OTOG: variants seen among roughly 807,000 people sequenced by gnomAD.
The protein encoded by OTOG is otogelin.
OTOG carries 296 observed loss-of-function variants against 313.8 expected under a neutral mutation model. The ratio of observed to expected loss-of-function variants is 0.94; its 90% CI spans 0.86 to 1.04. The LOEUF is 1.04. Ranked by LOEUF, OTOG falls within the 50% of genes least tolerant of loss-of-function variation. The probability of loss-of-function intolerance (pLI) is 0.00; values close to 1 mark genes in which losing one functional copy is unlikely to be tolerated. For missense variants in OTOG, 3,948 were observed against 3,840.1 expected (o/e 1.03, Z -0.74); for synonymous variants, 1,533 against 1,554.9 (o/e 0.99, Z 0.33).
intron 39 of OTOG, among the ~76,000 whole-genome samples, chr11:17,613,951 G>C (rs561953446): frequency 6.6e-6 from 1 of 152,172 alleles, no homozygotes; most frequent in Non-Finnish European, 1.5e-5. Flanking sequence ...CAGAGAAAAA[G>C]TCGGAAAGGC....
At chr11:17,601,923 G>C (rs1340134759) in intron 31 of OTOG, among the ~76,000 whole-genome samples, 3 of 152,184 alleles carry the variant, frequency 2.0e-5, no homozygotes, top group Non-Finnish European at 4.4e-5. Context: ...GAGAGACAAT[G>C]GGGGGCCCAG....
At chr11:17,561,042 C>A (rs552156168) in intron 13 of OTOG, 49 bp from the exon 14 acceptor site, 2 of 1,545,008 alleles carry the variant, frequency 1.3e-6, no homozygotes, top group Non-Finnish European at 1.8e-6. Flanking sequence ...CAGCATCTAG[C>A]TCAGGCCTGG....
chr11:17,642,696 A>G (rs1337700126), intron 53 of OTOG, among the ~76,000 whole-genome samples: 1 of 152,240 alleles, frequency 6.6e-6, no homozygotes, highest in African/African-American at 2.4e-5. Flanking sequence ...TAGCATGGAC[A>G]ACTGTCAGTA....
intron 39 of OTOG, among the ~76,000 whole-genome samples, chr11:17,620,790 C>T (rs1565122245): frequency 6.6e-6 from 1 of 152,152 alleles, no homozygotes; most frequent in Non-Finnish European, 1.5e-5. Context: ...GCTCTCTGCT[C>T]ATCATTCTCT....
In OTOG at chr11:17,594,141, T is replaced by G. The variant is rs1853030610; in HGVS notation, c.3383T>G (p.Phe1128Cys). The G allele has an allele frequency of 6.4e-7, 1 of 1,550,558 alleles. No homozygotes were observed. The highest frequency in any genetic ancestry group is 8.7e-7 in the Non-Finnish European group (1 of 1,146,980). ...ENLELTNPQE[F>C]GSSWAAVECP... ...CTAGAGCTAACTAACCCCCAGGAGT[T>G]TGGCAGCAGTTGGGCTGCAGTTGAG... The change falls in exon 28 of 56, where the codon TTT becomes TGT. Residue 1128 changes from phenylalanine (F) to cysteine (C), a missense_variant. Physicochemically the swap from Phe to Cys is radical, Grantham distance 205. Transcript: ENST00000399397.
chr11:17,602,889 C>T (rs928424017), intron 32 of OTOG, among the ~76,000 whole-genome samples: 9 of 152,220 alleles, frequency 5.9e-5, no homozygotes, highest in African/African-American at 9.6e-5. Flanking sequence ...AGGAGACAGA[C>T]GTGCCCAAAG....
chr11:17,568,067 C>T (rs1449139823), intron 15 of OTOG, among the ~76,000 whole-genome samples: 3 of 151,778 alleles, frequency 2.0e-5, no homozygotes, highest in Non-Finnish European at 2.9e-5. Context: ...GCCACCATGC[C>T]TGGCTAATTT....
chr11:17,631,963 G>C, intron 41 of OTOG, 41 bp downstream of exon 41: 4 of 1,545,074 alleles, frequency 2.6e-6, no homozygotes, highest in Non-Finnish European at 3.5e-6. Context: ...CACCTCCTGG[G>C]CTGGCTGGGG....
chr11:17,570,079 CGCAG>C (rs991832428), intron 16 of OTOG, 130 bp from the exon 17 acceptor site: 1,122 of 752,208 alleles, frequency 1.5e-3, no homozygotes, highest in Admixed American at 2.0e-3. Context: ...ATGGCAGGCA[CGCAG>C]GCAGGCAGGC....
At chr11:17,561,598 G>A in intron 14 of OTOG, 64 bp from the exon 15 acceptor site, 2 of 1,519,654 alleles carry the variant, frequency 1.3e-6, no homozygotes, top group Non-Finnish European at 1.8e-6. Flanking sequence ...CATACTTGGA[G>A]CTTGCAGGGC....
intron 40 of OTOG, among the ~76,000 whole-genome samples, chr11:17,629,685 A>G (rs1005572300): frequency 6.6e-6 from 1 of 152,184 alleles, no homozygotes; most frequent in African/African-American, 2.4e-5. Flanking sequence ...AGAGATGGCC[A>G]TTAGTATCCC....
In OTOG at chr11:17,558,701, G is replaced by A. The variant is rs1852109291; in HGVS notation, c.1103+57G>A. 2.7e-6 allele frequency: 4 copies of A among 1,479,962 alleles called. No homozygotes were observed. The Admixed American group carries it at 7.9e-5, about 29-fold the overall frequency. The allele number at this position is 1,479,962 out of a possible 1,614,324, so 91.7% of individuals were successfully genotyped here. On this transcript the variant is annotated intron_variant, in intron 10 of 55. Transcript: ENST00000399397. ...CCTCTAGTATTGGGGTGAGTGCTCA[G>A]CACACGGGCCATCAAACTGGGTGAT...
chr11:17,617,369 T>C (rs1853746252), intron 39 of OTOG, among the ~76,000 whole-genome samples: 1 of 152,190 alleles, frequency 6.6e-6, no homozygotes, highest in Admixed American at 6.5e-5. Context: ...TGGAAAATTA[T>C]ATGTAGACTT....
intron 23 of OTOG, among the ~76,000 whole-genome samples, chr11:17,582,111 A>G (rs567608650): frequency 6.6e-6 from 1 of 152,298 alleles, no homozygotes; most frequent in African/African-American, 2.4e-5. Context: ...GTATGGTTTG[A>G]TGAATTTTGA....
At chr11:17,617,572 G>A (rs868525660) in intron 39 of OTOG, among the ~76,000 whole-genome samples, 78 of 152,138 alleles carry the variant, frequency 5.1e-4, no homozygotes, top group African/African-American at 1.9e-3. Flanking sequence ...TTTCATCCAA[G>A]TTGTTAAATT....
chr11:17,554,998 G>A (rs927191517), intron 6 of OTOG, among the ~76,000 whole-genome samples: 3 of 152,196 alleles, frequency 2.0e-5, no homozygotes, highest in Admixed American at 6.5e-5. Flanking sequence ...GTTAGACCAT[G>A]GGGTAGCTTT....
At chr11:17,644,099 C>T (rs990030489) in intron 54 of OTOG, among the ~76,000 whole-genome samples, 11 of 152,252 alleles carry the variant, frequency 7.2e-5, no homozygotes, top group Non-Finnish European at 8.8e-5. Context: ...CTGCTCCCCA[C>T]GTCTGGCACA....
intron 15 of OTOG, among the ~76,000 whole-genome samples, chr11:17,567,606 A>G (rs1050243147): frequency 6.6e-6 from 1 of 152,214 alleles, no homozygotes; most frequent in African/African-American, 2.4e-5. Flanking sequence ...CAGCTGCCAA[A>G]GGACTGGAGT....
chr11:17,629,028 A>G (rs1479265996), intron 39 of OTOG, 105 bp from the exon 40 acceptor site: 2 of 1,151,690 alleles, frequency 1.7e-6, no homozygotes, highest in Admixed American at 2.3e-5. Flanking sequence ...TTGTCAGATG[A>G]TGGGTGGATG....
Sources: allele counts gnomAD v4.1 joint callset (sites outside exome capture counted in the v4.1 genomes callset), GRCh38; gene constraint gnomAD v4.1.1; transcripts MANE v1.5; gene names NCBI Gene and HGNC (gene_info 2026-07-23, HGNC 2026-07-21).